The following EFR3A variants were observed in gnomAD, a reference collection of about 807,000 sequenced individuals.
EFR3A encodes EFR3 homolog A, also known as protein EFR3 homolog A.
In EFR3A, 76 loss-of-function variants were observed where a neutral mutation model predicts 104.4. That is an observed-to-expected ratio of 0.73 (90% confidence interval 0.60 to 0.88). The LOEUF is 0.88. Among genes scored for constraint, EFR3A ranks in the 40% least tolerant of loss-of-function variants. The pLI is 0.00. For missense variants in EFR3A, 985 were observed against 1,012.5 expected (o/e 0.97, Z 0.37); for synonymous variants, 330 against 330.0 (o/e 1.00, Z 0.00).
At chr8:131,958,645 C>A (rs1309400665) in intron 7 of EFR3A, among the ~76,000 whole-genome samples, 2 of 150,188 alleles carry the variant, frequency 1.3e-5, no homozygotes, top group Non-Finnish European at 1.5e-5. Context: ...TTATTACTTT[C>A]AAGGAAATGA....
intron 18 of EFR3A, among the ~76,000 whole-genome samples, chr8:131,995,249 A>G (rs1056424217): frequency 2.6e-5 from 4 of 152,144 alleles, no homozygotes; most frequent in African/African-American, 9.7e-5. Context: ...CAGCTTTCCA[A>G]GGGTTGAATC....
chr8:131,968,354 A>T lies in EFR3A; in HGVS notation c.915A>T (p.Lys305Asn). 1 of 1,613,592 alleles carries T rather than the reference A, an allele frequency of 6.2e-7. No homozygotes were observed. Among genetic ancestry groups the T allele is most frequent in the Non-Finnish European group, 8.5e-7 (1 of 1,179,636 alleles). Reference sequence around the variant, plus strand: ...TAGGACACCTTGATGCTCGTAAAAAAGATGCTCCCCGGGTTCGAGCAGGTA... The same window carrying T: ...TAGGACACCTTGATGCTCGTAAAAATGATGCTCCCCGGGTTCGAGCAGGTA... ...EILGHLDARK[K>N]DAPRVRAGII... Residue 305 changes from lysine to asparagine, a missense_variant, in exon 9 of 23, where the codon AAA becomes AAT. Lys to Asn is a moderately conservative substitution (Grantham distance 94, BLOSUM62 0). Transcript: ENST00000254624.
chr8:131,904,145 C>T lies in EFR3A; in HGVS notation c.-168C>T, dbSNP rs755639424. 5.9e-4 allele frequency: 449 copies of T among 762,268 alleles called. No individual in the cohort carries two copies. Among genetic ancestry groups the T allele is most frequent in the Non-Finnish European group, 7.3e-4 (413 of 562,436 alleles). The allele number at this position is 762,268 out of a possible 1,614,324, so 47.2% of individuals were successfully genotyped here. ...GGCTGGCGGCGGTAGCTGTCGCCCG[C>T]TTGGTTGCGTGACCGCGGGGTCCGC... On this transcript the variant is annotated 5_prime_UTR_variant, in exon 1 of 23. Transcript: ENST00000254624.
At chr8:131,984,435 A>T in intron 15 of EFR3A, 135 bp downstream of exon 15, 1 of 808,718 alleles carries the variant, frequency 1.2e-6, no homozygotes, top group South Asian at 2.2e-5. Flanking sequence ...ACTCAAGACT[A>T]TGACTACATT....
intron 1 of EFR3A, among the ~76,000 whole-genome samples, chr8:131,926,398 C>T (rs73349347): frequency 0.011 from 1,672 of 152,100 alleles, 28 homozygotes; most frequent in African/African-American, 0.038. Flanking sequence ...ACCAGAACTA[C>T]ATCAAAAATG....
At position 132,010,407 on chromosome 8, in the gene EFR3A, G is replaced by GATAT. The variant is rs66644698; in HGVS notation, c.2361-343_2361-340dup. On this transcript the variant is annotated intron_variant, in intron 22 of 22. Transcript: ENST00000254624. The stretch of plus-strand genomic sequence containing the variant: ...GTTCTCTGGATTAAATCAAGTATGA[G>GATAT]ATATATATATATATATATATATATA... 9.1e-3 allele frequency among the ~76,000 whole-genome samples: 742 copies of GATAT among 81,582 alleles called. 9 individuals carry two copies. Among genetic ancestry groups the GATAT allele is most frequent in the Non-Finnish European group, 0.012 (479 of 41,064 alleles). The allele number at this position is 81,582 out of a possible 152,430, so 53.5% of individuals were successfully genotyped here. A position where few individuals can be genotyped will look rare whatever the true frequency, so the allele number is the denominator to read the frequency against.
At chr8:131,936,365 T>C (rs932974480) in intron 1 of EFR3A, among the ~76,000 whole-genome samples, 2 of 152,262 alleles carry the variant, frequency 1.3e-5, no homozygotes, top group Middle Eastern at 3.4e-3. Flanking sequence ...AGCACCGAGC[T>C]AGCAATTCCC....
chr8:131,960,905 G>A (rs912653819), intron 8 of EFR3A, among the ~76,000 whole-genome samples: 3 of 152,280 alleles, frequency 2.0e-5, no homozygotes, highest in Non-Finnish European at 2.9e-5. Context: ...CTGTTCACCT[G>A]TATTCACTGT....
At chr8:131,905,726 G>C (rs1396925026) in intron 1 of EFR3A, among the ~76,000 whole-genome samples, 2 of 152,124 alleles carry the variant, frequency 1.3e-5, no homozygotes, top group South Asian at 2.1e-4. Flanking sequence ...TCATGTTCAC[G>C]TTATTCAGTG....
chr8:131,917,775 G>GT (rs1025061945), intron 1 of EFR3A, among the ~76,000 whole-genome samples: 3 of 151,778 alleles, frequency 2.0e-5, no homozygotes, highest in Admixed American at 6.6e-5. Context: ...TGGTTGGTTT[G>GT]TTTTTTTTCC....
intron 9 of EFR3A, among the ~76,000 whole-genome samples, chr8:131,969,066 T>C (rs1403872183): frequency 6.6e-6 from 1 of 152,190 alleles, no homozygotes; most frequent in Non-Finnish European, 1.5e-5. Flanking sequence ...CATTGTTATA[T>C]CCATGTGGAA....
intron 10 of EFR3A, among the ~76,000 whole-genome samples, chr8:131,971,131 C>A (rs1037042968): frequency 6.6e-6 from 1 of 152,144 alleles, no homozygotes; most frequent in African/African-American, 2.4e-5. Flanking sequence ...AAATTGTCAA[C>A]ATCACTAAAT....
At chr8:131,985,731 A>T (rs1820839075) in intron 16 of EFR3A, among the ~76,000 whole-genome samples, 1 of 152,210 alleles carries the variant, frequency 6.6e-6, no homozygotes, top group Non-Finnish European at 1.5e-5. Flanking sequence ...GCCCACCACT[A>T]GAGAAGTAAA....
In EFR3A at chr8:131,972,254, A is replaced by AC. The variant is rs1245823265; in HGVS notation, c.1159+1613dup. Among the ~76,000 whole-genome samples the AC allele has an allele frequency of 1.1e-3, 96 of 85,960 alleles. 1 individual carries two copies. The highest frequency in any genetic ancestry group is 4.6e-3 in the African/African-American group (93 of 20,138). 56.4% of individuals were successfully genotyped at this position (85,960 alleles called of 152,430 possible). A position where few individuals can be genotyped will look rare whatever the true frequency, so the allele number is the denominator to read the frequency against. ...TCAAGACATCCCCCCACCTCCCTGA[A>AC]CCTTTTTTTTTTTTTTTTAAAGCAC... On this transcript the variant is annotated intron_variant, in intron 10 of 22. Coordinates refer to ENST00000254624, the MANE Select transcript of EFR3A (RefSeq NM_015137.6).
intron 12 of EFR3A, among the ~76,000 whole-genome samples, chr8:131,978,277 A>C (rs1820420469): frequency 6.6e-6 from 1 of 152,156 alleles, no homozygotes; most frequent in South Asian, 2.1e-4. Flanking sequence ...TAAAATGTTT[A>C]ATAGCATTTA....
In EFR3A at chr8:131,969,141, G is replaced by T. The variant is rs185979720; in HGVS notation, c.991+711G>T. On this transcript the variant is annotated intron_variant, in intron 9 of 22. Coordinates refer to ENST00000254624, the MANE Select transcript of EFR3A (RefSeq NM_015137.6). ...GTCAAGTTGATAGGATTTGATAATGGGTTAATGAGAAAAAGGGATAGTTCA... is the reference window on the plus strand; with the variant it reads ...GTCAAGTTGATAGGATTTGATAATGTGTTAATGAGAAAAAGGGATAGTTCA... Among the ~76,000 whole-genome samples, 862 of 152,160 alleles carry T rather than the reference G, an allele frequency of 5.7e-3. 3 individuals carry two copies. The highest frequency in any genetic ancestry group is 7.5e-3 in the Non-Finnish European group (509 of 67,992).
rs1298934176 is a variant in EFR3A at position 132,011,277 on chromosome 8, G to A, written c.*382G>A. On this transcript the variant is annotated 3_prime_UTR_variant, in exon 23 of 23. Transcript: ENST00000254624. ...TTATCTCTTAAACATCTACACAGCC[G>A]CTTAGATGTAGAATTTTTGTTGTTG... 21 of 988,214 alleles carry A rather than the reference G, an allele frequency of 2.1e-5. No homozygotes were observed. Among genetic ancestry groups the A allele is most frequent in the African/African-American group, 1.0e-4 (6 of 57,320 alleles). The allele number at this position is 988,214 out of a possible 1,614,324, so 61.2% of individuals were successfully genotyped here.
At chr8:131,922,265 A>G (rs1817073455) in intron 1 of EFR3A, among the ~76,000 whole-genome samples, 1 of 152,130 alleles carries the variant, frequency 6.6e-6, no homozygotes, top group Non-Finnish European at 1.5e-5. Context: ...TATATCTGCA[A>G]AGACCCCATT....
chr8:131,932,951 C>G (rs752879414), intron 1 of EFR3A, among the ~76,000 whole-genome samples: 3 of 151,910 alleles, frequency 2.0e-5, no homozygotes, highest in Non-Finnish European at 4.4e-5. Context: ...TGTCTTAGAC[C>G]ACTACATAAT....
Sources: gnomAD v4.1 joint callset for allele counts (sites outside exome capture counted in the v4.1 genomes callset) on GRCh38, gnomAD v4.1.1 for gene constraint, MANE v1.5 for transcripts, NCBI Gene and HGNC (gene_info 2026-07-23, HGNC 2026-07-21) for gene names.